Variants in RPS6KA1 observed in about 807,000 individuals in gnomAD.
The protein encoded by RPS6KA1 is ribosomal protein S6 kinase A1.
RPS6KA1 carries 48 observed loss-of-function variants against 91.3 expected under a neutral mutation model. The observed-to-expected ratio is 0.53, with a 90% CI of 0.42 to 0.67. The LOEUF (loss-of-function observed/expected upper bound fraction) is 0.67. Among genes scored for constraint, RPS6KA1 ranks in the 30% least tolerant of loss-of-function variants. The pLI is 0.00. For synonymous variants in RPS6KA1, 359 were observed against 384.7 expected (o/e 0.93, Z 0.78); for missense variants, 719 against 960.5 (o/e 0.75, Z 3.32).
chr1:26,552,611 C>T (rs1570439990), intron 6 of RPS6KA1, among the ~76,000 whole-genome samples: 2 of 150,930 alleles, frequency 1.3e-5, no homozygotes, highest in South Asian at 2.1e-4. Context: ...CTCAGCCTCC[C>T]GAGTAGCTGG....
chr1:26,562,046 A>C (rs1192708817), intron 17 of RPS6KA1, among the ~76,000 whole-genome samples: 1 of 152,058 alleles, frequency 6.6e-6, no homozygotes, highest in African/African-American at 2.4e-5. Flanking sequence ...CTACTAAAAT[A>C]CAAAAAAATT....
rs755760031 is a variant in RPS6KA1 at position 26,574,028 on chromosome 1, C to G, written c.2086-51C>G. ...CCTACCCTTGGGGCATGGATCCCCT[C>G]CCCGCTACATCTCCCACCATTGTGA... On this transcript the variant is annotated intron_variant, in intron 21 of 21. Coordinates refer to ENST00000374168, the MANE Select transcript of RPS6KA1 (RefSeq NM_002953.4). This position sits in a 1 kb window ranked among gnomAD's most constrained non-coding sequence, Gnocchi z 4.3. The G allele has an allele frequency of 3.1e-6, 5 of 1,589,536 alleles. No homozygotes were observed. Among genetic ancestry groups the G allele is most frequent in the South Asian group, 1.1e-5 (1 of 89,328 alleles).
chr1:26,530,424 C>T (rs1474770588), intron 1 of RPS6KA1, among the ~76,000 whole-genome samples: 9 of 152,236 alleles, frequency 5.9e-5, no homozygotes, highest in Admixed American at 5.9e-4. Flanking sequence ...TTCACCGCTG[C>T]TGAGCCTAGA....
intron 6 of RPS6KA1, 33 bp from the exon 7 acceptor site, chr1:26,553,358 G>T (rs780967761): frequency 6.9e-7 from 1 of 1,459,384 alleles, no homozygotes; most frequent in African/African-American, 1.4e-5. Context: ...GGAAGAGGAG[G>T]TCCCTGCTGA....
In RPS6KA1 at chr1:26,546,883, A is replaced by G; in HGVS notation, c.125A>G (p.Lys42Arg). 6.2e-7 allele frequency: 1 copy of G among 1,614,086 alleles called. No homozygotes were observed. The highest frequency in any genetic ancestry group is 2.2e-5 in the East Asian group (1 of 44,880). ...CTCCATCAGGATGAGGGCGTCCTCA[A>G]GGAGATCTCCATCACGCACCACGTC... ...LQPSKDEGVL[K>R]EISITHHVKA... The change falls in exon 3 of 22, where the codon AAG becomes AGG. Residue 42 changes from lysine to arginine, a missense_variant. This residue lies in a region of RPS6KA1 where 57 missense variants were observed against 55.8 expected (regional missense o/e 1.02). Transcript: ENST00000374168.
Position 26,558,515 on chromosome 1 carries a change from G to A in RPS6KA1, c.1085-292G>A, listed in dbSNP as rs576265864. 2.0e-5 allele frequency among the ~76,000 whole-genome samples: 3 copies of A among 152,342 alleles called. No homozygotes were observed. The highest frequency in any genetic ancestry group is 3.9e-4 in the East Asian group (2 of 5,182). On this transcript the variant is annotated intron_variant, in intron 13 of 21. Transcript: ENST00000374168. The surrounding 1 kb of genome is among the most constrained non-coding windows in gnomAD (Gnocchi z 4.0). ...CAGAGATGGACCTGAAGGGGCTGAC[G>A]TAAGATGGGGAAGCTGGGGAGGAAG...
chr1:26,570,877 C>G (rs1185243138), intron 17 of RPS6KA1, among the ~76,000 whole-genome samples: 1 of 152,210 alleles, frequency 6.6e-6, no homozygotes, highest in Non-Finnish European at 1.5e-5. Context: ...AATCCCAGCA[C>G]TTTGGGAGGC....
chr1:26,569,613 C>T (rs140982542), intron 17 of RPS6KA1, among the ~76,000 whole-genome samples: 59 of 152,306 alleles, frequency 3.9e-4, no homozygotes, highest in Admixed American at 1.0e-3. Flanking sequence ...TGGAGATCAA[C>T]TGAGACTATG....
intron 2 of RPS6KA1, among the ~76,000 whole-genome samples, chr1:26,542,016 CAG>C (rs1557492149): frequency 1.3e-5 from 2 of 152,242 alleles, no homozygotes. Flanking sequence ...CGCCCGCCAC[CAG>C]AGGCCTCAGG....
chr1:26,530,810 C>T, intron 1 of RPS6KA1: 2 of 1,288,852 alleles, frequency 1.6e-6, no homozygotes, highest in South Asian at 1.2e-5. Flanking sequence ...AAGGCCACCT[C>T]TTCCTGTGCC....
chr1:26,539,304 G>T (rs926131450), intron 2 of RPS6KA1, among the ~76,000 whole-genome samples: 5 of 152,228 alleles, frequency 3.3e-5, no homozygotes, highest in African/African-American at 1.2e-4. Context: ...AAGAAGAGTT[G>T]GGGTGGGCTC....
intron 6 of RPS6KA1, chr1:26,552,675 C>T (rs2076063581): frequency 9.2e-6 from 2 of 216,816 alleles, no homozygotes; most frequent in South Asian, 5.3e-5. Context: ...TTGGTAGAGA[C>T]AGGGTTTCTC....
intron 2 of RPS6KA1, among the ~76,000 whole-genome samples, chr1:26,541,364 G>A (rs2075945954): frequency 6.6e-6 from 1 of 151,826 alleles, no homozygotes; most frequent in African/African-American, 2.4e-5. Context: ...AGACCACCCT[G>A]GGCAACATGA....
At position 26,561,235 on chromosome 1, in the gene RPS6KA1, G is replaced by A; in HGVS notation, c.1431+101G>A. ...TTTGACTTCTCATCCTCTTTCCAGT[G>A]GTCATGTGGAGGGGAAGGAGGTCCC... is the stretch of plus-strand genomic sequence containing the variant. On this transcript the variant is annotated intron_variant, in intron 16 of 21. Coordinates refer to ENST00000374168, the MANE Select transcript of RPS6KA1 (RefSeq NM_002953.4). The surrounding 1 kb of genome is among the most constrained non-coding windows in gnomAD (Gnocchi z 5.7). The A allele has an allele frequency of 1.7e-6, 2 of 1,191,982 alleles. No homozygotes were observed. Among genetic ancestry groups the A allele is most frequent in the Non-Finnish European group, 2.4e-6 (2 of 821,332 alleles). The allele number at this position is 1,191,982 out of a possible 1,614,324, so 73.8% of individuals were successfully genotyped here. A position where few individuals can be genotyped will look rare whatever the true frequency, so the allele number is the denominator to read the frequency against.
At chr1:26,562,469 C>T (rs2076161928) in intron 17 of RPS6KA1, among the ~76,000 whole-genome samples, 1 of 152,080 alleles carries the variant, frequency 6.6e-6, no homozygotes, top group Admixed American at 6.6e-5. Flanking sequence ...TGACTGGGTT[C>T]AGTTGCTAAG....
intron 1 of RPS6KA1, among the ~76,000 whole-genome samples, chr1:26,535,259 A>G (rs1014688479): frequency 4.6e-5 from 7 of 151,920 alleles, no homozygotes; most frequent in Admixed American, 3.3e-4. Context: ...GATTAGGGGC[A>G]TTAAAGGGGC....
intron 1 of RPS6KA1, among the ~76,000 whole-genome samples, chr1:26,532,235 C>G (rs1436546753): frequency 6.6e-6 from 1 of 152,154 alleles, no homozygotes; most frequent in Non-Finnish European, 1.5e-5. Flanking sequence ...AAGCAGTAGC[C>G]TTGTCCCCAG....
At position 26,560,868 on chromosome 1, in the gene RPS6KA1, C is replaced by T. The variant is rs768321789; in HGVS notation, c.1341+17C>T. The T allele has an allele frequency of 1.6e-5, 26 of 1,614,128 alleles. No individual in the cohort carries two copies. The highest frequency in any genetic ancestry group is 2.2e-5 in the Non-Finnish European group (26 of 1,180,014). ...GCTGTCAAGGTGGGCCTCCTGACCA[C>T]GTCTCGGCCAAGGCTGCTGGGTTGG... On this transcript the variant is annotated intron_variant, in intron 15 of 21. Coordinates refer to ENST00000374168, the MANE Select transcript of RPS6KA1 (RefSeq NM_002953.4).
Position 26,561,475 on chromosome 1 carries a change from A to C in RPS6KA1, c.1432-30A>C. The C allele has an allele frequency of 6.2e-7, 1 of 1,613,992 alleles. No individual in the cohort carries two copies. The highest frequency in any genetic ancestry group is 8.5e-7 in the Non-Finnish European group (1 of 1,179,918). ...AGGGGGCTCAGGCCTGACACTGGGG[A>C]GAAGAGCCTGATGGTGAGGTCTTCG... On this transcript the variant is annotated intron_variant, in intron 16 of 21. Transcript: ENST00000374168. This position sits in a 1 kb window ranked among gnomAD's most constrained non-coding sequence, Gnocchi z 5.7.
Sources: gnomAD v4.1 joint callset for allele counts (sites outside exome capture counted in the v4.1 genomes callset) on GRCh38, gnomAD v4.1.1 for gene constraint, gnomAD v4.1.1 regional missense constraint, Gnocchi (gnomAD v3.1) non-coding constraint, MANE v1.5 for transcripts, NCBI Gene and HGNC (gene_info 2026-07-23, HGNC 2026-07-21) for gene names.